Variants in SND1 observed in about 807,000 individuals in gnomAD.
SND1 encodes the protein staphylococcal nuclease domain-containing protein 1.
In SND1, 38 loss-of-function variants were observed where a neutral mutation model predicts 121.7. The ratio of observed to expected loss-of-function variants is 0.31; its 90% confidence interval spans 0.24 to 0.41. SND1 has a LOEUF of 0.41. Ranked by LOEUF, SND1 falls within the 10% of genes least tolerant of loss-of-function variation. The probability of loss-of-function intolerance (pLI) is 1.00; values close to 1 mark genes in which losing one functional copy is unlikely to be tolerated. For missense variants in SND1, 868 were observed against 1,184.6 expected (o/e 0.73, Z 3.92); for synonymous variants, 401 against 447.4 (o/e 0.90, Z 1.31).
intron 10 of SND1, among the ~76,000 whole-genome samples, chr7:127,783,326 T>G (rs1473818630): frequency 6.6e-6 from 1 of 152,172 alleles, no homozygotes; most frequent in East Asian, 1.9e-4. Context: ...ATACAACAAT[T>G]TTTGCCCATG....
chr7:127,756,892 G>A (rs922712738), intron 10 of SND1, among the ~76,000 whole-genome samples: 4 of 152,074 alleles, frequency 2.6e-5, no homozygotes, highest in African/African-American at 9.7e-5. Context: ...GTATTAATCT[G>A]TGTATCTGCC....
At chr7:127,663,020 A>G (rs1460952816) in intron 1 of SND1, among the ~76,000 whole-genome samples, 2 of 150,994 alleles carry the variant, frequency 1.3e-5, no homozygotes, top group African/African-American at 4.9e-5. Flanking sequence ...CCCGCTGAGT[A>G]GCTGGGACTA....
intron 15 of SND1, among the ~76,000 whole-genome samples, chr7:127,982,547 AG>A (rs1802290325): frequency 6.6e-6 from 1 of 152,248 alleles, no homozygotes; most frequent in South Asian, 2.1e-4. Context: ...GAGGTAACAA[AG>A]TAGGAGTTTA....
chr7:127,770,903 CA>C (rs1230436097), intron 10 of SND1, among the ~76,000 whole-genome samples: 1 of 152,114 alleles, frequency 6.6e-6, no homozygotes, highest in Non-Finnish European at 1.5e-5. Flanking sequence ...TTAGGCAGAC[CA>C]AAAAGCAAGA....
chr7:128,081,524 CGTGGTTCCTGGCTT>C, intron 18 of SND1, 23 bp downstream of exon 18: 1 of 1,612,512 alleles, frequency 6.2e-7, no homozygotes, highest in Non-Finnish European at 8.5e-7. Flanking sequence ...GCCGCTGGCT[CGTGGTTCCTGGCTT>C]GGTCCAGCTG....
At chr7:127,888,334 G>C (rs1426197078) in intron 13 of SND1, among the ~76,000 whole-genome samples, 1 of 152,088 alleles carries the variant, frequency 6.6e-6, no homozygotes, top group African/African-American at 2.4e-5. Context: ...GGGACTAACT[G>C]TGAAGCCGTG....
At chr7:127,733,664 T>C (rs1436951833) in intron 10 of SND1, among the ~76,000 whole-genome samples, 2 of 152,182 alleles carry the variant, frequency 1.3e-5, no homozygotes, top group Non-Finnish European at 2.9e-5. Flanking sequence ...ACAAACGAGC[T>C]CCAAGCCTTC....
At chr7:127,906,947 C>T (rs1045602407) in intron 14 of SND1, among the ~76,000 whole-genome samples, 1 of 152,172 alleles carries the variant, frequency 6.6e-6, no homozygotes, top group African/African-American at 2.4e-5. Flanking sequence ...ACCAATTCCC[C>T]CTTAAACTCT....
chr7:127,887,985 A>AC lies in SND1; in HGVS notation c.1428dup (p.Asp477ArgfsTer2). 6.2e-7 allele frequency: 1 copy of AC among 1,611,868 alleles called. No homozygotes were observed. Among genetic ancestry groups the AC allele is most frequent in the Non-Finnish European group, 8.5e-7 (1 of 1,178,550 alleles). On this transcript the variant is annotated frameshift_variant, in exon 13 of 24. Transcript: ENST00000354725. LOFTEE classifies it high-confidence loss of function. ...GATGATGACCAGAGATCATCACACT[A>AC]CGATGAACTGCTTGCTGCAGAGGCC...
chr7:127,922,551 G>A (rs1296277089), intron 14 of SND1, among the ~76,000 whole-genome samples: 4 of 152,094 alleles, frequency 2.6e-5, no homozygotes, highest in Non-Finnish European at 4.4e-5. Flanking sequence ...GTTTGTAGAT[G>A]TCTGACTTTC....
chr7:127,780,000 A>G (rs1485549981), intron 10 of SND1, among the ~76,000 whole-genome samples: 1 of 152,174 alleles, frequency 6.6e-6, no homozygotes, highest in African/African-American at 2.4e-5. Context: ...GGCACATCTC[A>G]TCTCCATTAC....
chr7:128,011,397 T>C (rs1803114840), intron 16 of SND1, among the ~76,000 whole-genome samples: 1 of 152,218 alleles, frequency 6.6e-6, no homozygotes, highest in African/African-American at 2.4e-5. Context: ...AGTGCCCTTG[T>C]AGTATACAAA....
rs777598811 is a variant in SND1, at chr7:128,029,197, C to T, written c.1779+38141C>T. The T allele has an allele frequency of 1.5e-5, 24 of 1,614,094 alleles. No homozygotes were observed. Among genetic ancestry groups the T allele is most frequent in the Admixed American group, 3.3e-5 (2 of 60,014 alleles). On this transcript the variant is annotated intron_variant, in intron 16 of 23. Coordinates refer to ENST00000354725, the MANE Select transcript of SND1 (RefSeq NM_014390.4). The surrounding 1 kb of genome is among the most constrained non-coding windows in gnomAD (Gnocchi z 4.2). ...GAGGTGGTATATGCCGGCTGGTAAC[C>T]AGTGGACGTGGTAGGAACAGGCTTG... is the stretch of plus-strand genomic sequence containing the variant.
At chr7:127,787,021 G>A (rs1797826036) in intron 10 of SND1, among the ~76,000 whole-genome samples, 1 of 152,164 alleles carries the variant, frequency 6.6e-6, no homozygotes, top group Non-Finnish European at 1.5e-5. Context: ...GTGATATCCT[G>A]TACATAACCC....
chr7:127,991,201 T>G (rs1291892388), intron 16 of SND1, 145 bp downstream of exon 16: 1 of 633,952 alleles, frequency 1.6e-6, no homozygotes, highest in Non-Finnish European at 2.8e-6. Context: ...TGCCCACATC[T>G]TATTTCCCTG....
At chr7:128,028,565 C>T in intron 16 of SND1, 3 of 993,720 alleles carry the variant, frequency 3.0e-6, no homozygotes, top group African/African-American at 1.6e-5. Context: ...TTTAACCAGC[C>T]CATAGACTTA....
At chr7:127,708,413 T>G (rs955892544) in intron 9 of SND1, among the ~76,000 whole-genome samples, 1 of 20,892 alleles carries the variant, frequency 4.8e-5, no homozygotes, top group Non-Finnish European at 3.1e-4. Flanking sequence ...CTTCCTCCCT[T>G]CCTGCCTTCC....
At chr7:128,039,570 A>G (rs1039303025) in intron 16 of SND1, among the ~76,000 whole-genome samples, 4 of 152,122 alleles carry the variant, frequency 2.6e-5, no homozygotes, top group Non-Finnish European at 4.4e-5. Flanking sequence ...TAGAATTCCT[A>G]GCCCCTTGCT....
Position 127,652,327 on chromosome 7 carries a change from C to T in SND1, c.-47C>T, listed in dbSNP as rs757543881. Reference sequence around the variant, plus strand: ...CCAACACCGACACCCACATTGACACCTCCAGTCCGGCCAGCCGCTCCACTC... The same window carrying T: ...CCAACACCGACACCCACATTGACACTTCCAGTCCGGCCAGCCGCTCCACTC... On this transcript the variant is annotated 5_prime_UTR_variant, in exon 1 of 24. Coordinates refer to ENST00000354725, the MANE Select transcript of SND1 (RefSeq NM_014390.4). 3 of 1,512,336 alleles carry T rather than the reference C, an allele frequency of 2.0e-6. No homozygotes were observed. In the African/African-American group the frequency reaches 4.1e-5, roughly 21 times the overall value. The allele number at this position is 1,512,336 out of a possible 1,614,324, so 93.7% of individuals were successfully genotyped here.
Sources: gnomAD v4.1 joint callset for allele counts (sites outside exome capture counted in the v4.1 genomes callset) on GRCh38, gnomAD v4.1.1 for gene constraint, Gnocchi (gnomAD v3.1) non-coding constraint, MANE v1.5 for transcripts, NCBI Gene and HGNC (gene_info 2026-07-23, HGNC 2026-07-21) for gene names.